AGBL4: variants seen among roughly 807,000 people sequenced by gnomAD.
AGBL4 encodes AGBL carboxypeptidase 4, also known as cytosolic carboxypeptidase 6.
AGBL4 carries 58 observed loss-of-function variants against 66.4 expected under a neutral mutation model. The observed-to-expected ratio is 0.87, with a 90% CI of 0.71 to 1.09. The LOEUF is 1.09. Ranked by LOEUF, AGBL4 falls within the 50% of genes least tolerant of loss-of-function variation. The pLI, the probability that AGBL4 is intolerant of heterozygous loss-of-function variation, is 0.00. For synonymous variants in AGBL4, 234 were observed against 222.9 expected (o/e 1.05, Z -0.44); for missense variants, 579 against 631.0 (o/e 0.92, Z 0.88).
At chr1:48,572,580 G>C (rs1228888054) in intron 11 of AGBL4, among the ~76,000 whole-genome samples, 3 of 151,554 alleles carry the variant, frequency 2.0e-5, no homozygotes, top group Non-Finnish European at 1.5e-5. Context: ...GAGTCAAATA[G>C]AAAGACAAAA....
intron 2 of AGBL4, among the ~76,000 whole-genome samples, chr1:49,823,639 T>A (rs1645426444): frequency 6.6e-6 from 1 of 151,980 alleles, no homozygotes; most frequent in South Asian, 2.1e-4. Context: ...TGAGGAGAGA[T>A]TTTGAAATGG....
chr1:49,611,279 G>A (rs1305310412), intron 3 of AGBL4, among the ~76,000 whole-genome samples: 1 of 151,984 alleles, frequency 6.6e-6, no homozygotes, highest in African/African-American at 2.4e-5. Flanking sequence ...CACTAAGCAA[G>A]GTGGAAAAGA....
At chr1:48,917,204 A>G (rs2148887846) in intron 5 of AGBL4, among the ~76,000 whole-genome samples, 1 of 152,138 alleles carries the variant, frequency 6.6e-6, no homozygotes, top group South Asian at 2.1e-4. Flanking sequence ...TGATGTTTTA[A>G]TGAACTATTT....
chr1:49,862,632 C>T (rs973144945), intron 1 of AGBL4, among the ~76,000 whole-genome samples: 1 of 151,960 alleles, frequency 6.6e-6, no homozygotes, highest in Non-Finnish European at 1.5e-5. Flanking sequence ...AAGAAAGGAC[C>T]CTAAAAGCAG....
chr1:49,997,499 GA>G (rs1660454773), intron 1 of AGBL4, among the ~76,000 whole-genome samples: 1 of 152,100 alleles, frequency 6.6e-6, no homozygotes, highest in African/African-American at 2.4e-5. Flanking sequence ...ATTGTAATGG[GA>G]AAATATCACA....
intron 3 of AGBL4, among the ~76,000 whole-genome samples, chr1:49,462,354 T>C (rs550481618): frequency 2.9e-4 from 44 of 151,776 alleles, no homozygotes; most frequent in South Asian, 1.2e-3. Flanking sequence ...CTTAGGGAGA[T>C]AGAATCAATA....
intron 1 of AGBL4, among the ~76,000 whole-genome samples, chr1:49,876,880 T>G (rs951788063): frequency 1.9e-4 from 28 of 150,424 alleles, no homozygotes; most frequent in Admixed American, 4.0e-4. Flanking sequence ...TCACATCCCT[T>G]GTAAGTTGGA....
At chr1:49,226,189 A>G (rs1330637860) in intron 4 of AGBL4, among the ~76,000 whole-genome samples, 1 of 152,194 alleles carries the variant, frequency 6.6e-6, no homozygotes, top group African/African-American at 2.4e-5. Context: ...CACATTTTCA[A>G]TTCATTCACA....
intron 3 of AGBL4, among the ~76,000 whole-genome samples, chr1:49,360,463 A>G (rs549403150): frequency 6.6e-6 from 1 of 152,340 alleles, no homozygotes; most frequent in South Asian, 2.1e-4. Context: ...TTTAGTAACA[A>G]TGATTATGAA....
intron 6 of AGBL4, among the ~76,000 whole-genome samples, chr1:48,674,295 T>G (rs1325361011): frequency 6.6e-6 from 1 of 152,170 alleles, no homozygotes; most frequent in Non-Finnish European, 1.5e-5. Flanking sequence ...AGCTATCGGT[T>G]ATTGAGTGAT....
At chr1:49,203,188 T>C (rs923169963) in intron 4 of AGBL4, among the ~76,000 whole-genome samples, 1 of 151,700 alleles carries the variant, frequency 6.6e-6, no homozygotes, top group African/African-American at 2.4e-5. Flanking sequence ...TAAAATGATA[T>C]AGCCTCGATA....
At chr1:48,618,954 A>AG (rs1645364573) in intron 9 of AGBL4, among the ~76,000 whole-genome samples, 1 of 151,632 alleles carries the variant, frequency 6.6e-6, no homozygotes, top group African/African-American at 2.4e-5. Flanking sequence ...AAAAAAAAAA[A>AG]CGGGAAATCA....
intron 4 of AGBL4, among the ~76,000 whole-genome samples, chr1:49,200,459 G>C (rs1647597280): frequency 6.6e-6 from 1 of 152,140 alleles, no homozygotes; most frequent in Admixed American, 6.5e-5. Flanking sequence ...ACTATCTGAA[G>C]ATAGTGTCAG....
chr1:49,291,952 C>G (rs1043423602), intron 3 of AGBL4, among the ~76,000 whole-genome samples: 11 of 152,238 alleles, frequency 7.2e-5, no homozygotes, highest in African/African-American at 2.7e-4. Flanking sequence ...GCCCTACCCC[C>G]ACCTTGGGCA....
chr1:48,947,233 G>T (rs1353241473), intron 5 of AGBL4, among the ~76,000 whole-genome samples: 2 of 152,206 alleles, frequency 1.3e-5, no homozygotes, highest in African/African-American at 4.8e-5. Flanking sequence ...AGCACCTTGT[G>T]CTTCTCCTTC....
intron 3 of AGBL4, among the ~76,000 whole-genome samples, chr1:49,384,237 TAAAAC>T (rs1644686359): frequency 6.6e-6 from 1 of 152,100 alleles, no homozygotes; most frequent in African/African-American, 2.4e-5. Context: ...TTAAAAATCT[TAAAAC>T]TCAATGATAA....
chr1:48,847,317 CT>C (rs1646942058), intron 6 of AGBL4, among the ~76,000 whole-genome samples: 1 of 150,990 alleles, frequency 6.6e-6, no homozygotes, highest in Non-Finnish European at 1.5e-5. Flanking sequence ...AAAACAAAAA[CT>C]TACTCTACCA....
At chr1:49,915,359 A>G (rs1651314761) in intron 1 of AGBL4, among the ~76,000 whole-genome samples, 1 of 152,166 alleles carries the variant, frequency 6.6e-6, no homozygotes, top group South Asian at 2.1e-4. Context: ...GACAGACAGC[A>G]GCTGGAAAAC....
intron 2 of AGBL4, among the ~76,000 whole-genome samples, chr1:49,701,703 C>A (rs1254349254): frequency 6.6e-6 from 1 of 151,836 alleles, no homozygotes; most frequent in East Asian, 1.9e-4. Context: ...AAAATTCTTC[C>A]TTTGAAGTGA....
Sources: gnomAD v4.1 joint callset for allele counts (sites outside exome capture counted in the v4.1 genomes callset) on GRCh38, gnomAD v4.1.1 for gene constraint, MANE v1.5 for transcripts, NCBI Gene and HGNC (gene_info 2026-07-23, HGNC 2026-07-21) for gene names.